FAM156A: variants seen among roughly 807,000 people sequenced by gnomAD.
FAM156A encodes protein FAM156A/FAM156B.
chrX:52,987,603 G>T (rs1389942158), intron 1 of FAM156A, among the ~76,000 whole-genome samples: 4 of 107,835 alleles, frequency 3.7e-5, no homozygotes, highest in African/African-American at 1.4e-4. Flanking sequence ...AACCGTGATT[G>T]TGGCACTGCA....
intron 1 of FAM156A, among the ~76,000 whole-genome samples, chrX:52,977,288 C>T (rs1233613563): frequency 9.2e-6 from 1 of 108,967 alleles, no homozygotes; most frequent in Non-Finnish European, 1.9e-5. Flanking sequence ...ACCTCTCTCC[C>T]TGCCCCGCAC....
At chrX:52,988,171 G>A (rs1196433271) in intron 1 of FAM156A, among the ~76,000 whole-genome samples, 2 of 108,326 alleles carry the variant, frequency 1.8e-5, no homozygotes, top group Non-Finnish European at 3.8e-5. Flanking sequence ...GCTTGAACCC[G>A]GGAGATGGAG....
rs1569204366 is a variant in FAM156A at position 52,980,780 on chromosome X, C to CTGTGTGTGTGTGTGTGTG, written c.-434+14525_-434+14526insCACACACACACACACACA. Reference sequence around the variant, plus strand: ...GTAAGCAGCCTTTTGGTTAGGGTTCCTCTGTGTGTGTGTGTGTGTGTGTGT... The same window carrying CTGTGTGTGTGTGTGTGTG: ...GTAAGCAGCCTTTTGGTTAGGGTTCCTGTGTGTGTGTGTGTGTGTCTGTGTGTGTGTGTGTGTGTGTGT... On this transcript the variant is annotated intron_variant, in intron 1 of 4. Coordinates refer to the FAM156A transcript ENST00000610625. 3.2e-5 allele frequency among the ~76,000 whole-genome samples: 2 copies of CTGTGTGTGTGTGTGTGTG among 61,833 alleles called. 1 individual carries two copies. The highest frequency in any genetic ancestry group is 4.3e-4 in the Admixed American group (2 of 4,637). 53.7% of individuals were successfully genotyped at this position (61,833 alleles called of 115,157 possible). A position where few individuals can be genotyped will look rare whatever the true frequency, so the allele number is the denominator to read the frequency against.
chrX:52,989,628 T>A (rs1930554297), intron 1 of FAM156A, among the ~76,000 whole-genome samples: 1 of 112,367 alleles, frequency 8.9e-6, no homozygotes, highest in Non-Finnish European at 1.9e-5. Context: ...TGTATGGAGA[T>A]TGTCTGCTGC....
intron 1 of FAM156A, among the ~76,000 whole-genome samples, chrX:52,981,824 CTT>C (rs1277409823): frequency 4.0e-5 from 4 of 100,955 alleles, no homozygotes; most frequent in Admixed American, 1.1e-4. Flanking sequence ...GAATGAGGAG[CTT>C]TTTTTTTTTT....
intron 1 of FAM156A, among the ~76,000 whole-genome samples, chrX:52,980,932 G>T (rs1393965201): frequency 3.8e-5 from 4 of 105,146 alleles, no homozygotes; most frequent in Admixed American, 2.1e-4. Context: ...GGAGACCCAG[G>T]GAAGAGGTAA....
intron 1 of FAM156A, among the ~76,000 whole-genome samples, chrX:52,992,155 G>A (rs1235939193): frequency 9.3e-6 from 1 of 107,349 alleles, no homozygotes; most frequent in Non-Finnish European, 1.9e-5. Flanking sequence ...ACTGAGGCTG[G>A]TCAAGGACAG....
chrX:52,991,855 C>T (rs1232312225), intron 1 of FAM156A, among the ~76,000 whole-genome samples: 5 of 109,935 alleles, frequency 4.5e-5, no homozygotes, highest in African/African-American at 1.3e-4. Context: ...GCACTGCTCT[C>T]GGTGACTGAC....
intron 1 of FAM156A, among the ~76,000 whole-genome samples, chrX:52,990,598 T>A: frequency 9.1e-6 from 1 of 109,821 alleles, no homozygotes; most frequent in Non-Finnish European, 1.9e-5. Flanking sequence ...AGCCCGGCCA[T>A]CATGGCAAAA....
intron 1 of FAM156A, among the ~76,000 whole-genome samples, chrX:52,983,447 T>C (rs782446303): frequency 8.0e-5 from 9 of 111,903 alleles, no homozygotes; most frequent in African/African-American, 2.3e-4. Context: ...GTTAACATCA[T>C]AGCTGCCAGG....
At chrX:52,989,564 G>A (rs1266637178) in intron 1 of FAM156A, among the ~76,000 whole-genome samples, 1 of 112,661 alleles carries the variant, frequency 8.9e-6, no homozygotes, top group African/African-American at 3.2e-5. Flanking sequence ...GCAGGTCAGT[G>A]GGCCTGTGCT....
chrX:52,985,534 G>C (rs1556794238), intron 1 of FAM156A, among the ~76,000 whole-genome samples: 2 of 110,082 alleles, frequency 1.8e-5, no homozygotes, highest in Non-Finnish European at 3.8e-5. Context: ...TAAGCAGAAT[G>C]AGGGAAATAA....
At chrX:52,977,151 AAG>A (rs1434404612) in intron 1 of FAM156A, among the ~76,000 whole-genome samples, 1 of 106,948 alleles carries the variant, frequency 9.4e-6, no homozygotes, top group Non-Finnish European at 1.9e-5. Context: ...TATATAAATG[AAG>A]AGAGAGAGTG....
At chrX:52,989,312 G>A (rs1272437282) in intron 1 of FAM156A, among the ~76,000 whole-genome samples, 2 of 111,730 alleles carry the variant, frequency 1.8e-5, no homozygotes, top group East Asian at 2.8e-4. Context: ...AACTTCCCTC[G>A]CCTGACTGTC....
intron 1 of FAM156A, among the ~76,000 whole-genome samples, chrX:52,980,780 CTCTGTGTGTGTGTGTGTGTG>C (rs1929822033): frequency 1.6e-5 from 1 of 61,836 alleles, no homozygotes; most frequent in Admixed American, 2.2e-4. Context: ...GTTAGGGTTC[CTCTGTGTGTGTGTGTGTGTG>C]TGTGTGTGTG....
chrX:52,985,218 G>GAA (rs782074152), intron 1 of FAM156A, among the ~76,000 whole-genome samples: 8 of 94,373 alleles, frequency 8.5e-5, no homozygotes, highest in Admixed American at 2.3e-4. Flanking sequence ...ATCAAAATAG[G>GAA]AAAAAAAAAA....
intron 1 of FAM156A, among the ~76,000 whole-genome samples, chrX:52,988,245 CAA>C (rs60628809): frequency 1.3e-5 from 1 of 77,789 alleles, no homozygotes; most frequent in Admixed American, 1.6e-4. Flanking sequence ...GACTCTGTCT[CAA>C]AAAAAAAAAA....
At chrX:52,987,666 C>A (rs1930391226) in intron 1 of FAM156A, among the ~76,000 whole-genome samples, 2 of 108,690 alleles carry the variant, frequency 1.8e-5, no homozygotes, top group South Asian at 7.9e-4. Context: ...AAAAAAAAAT[C>A]TATTTGCCTT....
At chrX:52,990,579 T>A (rs1930628531) in intron 1 of FAM156A, among the ~76,000 whole-genome samples, 1 of 109,500 alleles carries the variant, frequency 9.1e-6, no homozygotes, top group African/African-American at 3.3e-5. Flanking sequence ...AGGTCAGGAG[T>A]TCAAGTCCAG....
Sources: allele counts gnomAD v4.1 joint callset (sites outside exome capture counted in the v4.1 genomes callset), GRCh38; gene constraint gnomAD v4.1.1; transcripts MANE v1.5; gene names NCBI Gene and HGNC (gene_info 2026-07-23, HGNC 2026-07-21).